The following GPR89B variants were observed in gnomAD, a reference collection of about 807,000 sequenced individuals.
GPR89B encodes G protein-coupled receptor 89B.
GPR89B carries 25 observed loss-of-function variants against 52.4 expected under a neutral mutation model. That is an observed-to-expected ratio of 0.48 (90% CI 0.35 to 0.67). The LOEUF is 0.67. Among genes scored for constraint, GPR89B ranks in the 30% least tolerant of loss-of-function variants. The pLI is 0.01. For missense variants in GPR89B, 146 were observed against 450.2 expected, an observed-to-expected ratio of 0.32 and a Z score of 6.11; for synonymous variants, 52 against 151.2, an observed-to-expected ratio of 0.34 and a Z score of 4.81.
At chr1:147,998,547 G>A (rs1314866265), downstream of GPR89B, among the ~76,000 whole-genome samples, 9 of 152,154 alleles carry the variant, frequency 5.9e-5, no homozygotes, top group East Asian at 5.8e-4. Context: ...TCTGACAGTC[G>A]CAGCTCATCT....
At chr1:148,002,499 A>G in the GPR89B span, among the ~76,000 whole-genome samples, 6 of 152,300 alleles carry the variant, frequency 3.9e-5, no homozygotes, top group East Asian at 7.7e-4. Flanking sequence ...CAGAATGAGC[A>G]TGGGCTTTGG....
At chr1:147,944,936 C>G (rs1654840482) in intron 5 of GPR89B, among the ~76,000 whole-genome samples, 3 of 151,950 alleles carry the variant, frequency 2.0e-5, no homozygotes, top group African/African-American at 7.3e-5. Context: ...TCCTGCCGTA[C>G]CTATTATTAG....
the GPR89B span, among the ~76,000 whole-genome samples, chr1:148,001,713 C>T: frequency 6.6e-6 from 1 of 150,992 alleles, no homozygotes. Context: ...GAACTCACCC[C>T]AGAAACTAAC....
intron 10 of GPR89B, among the ~76,000 whole-genome samples, chr1:147,970,534 T>TCTCTC: frequency 8.7e-6 from 1 of 114,814 alleles, no homozygotes; most frequent in South Asian, 2.7e-4. Flanking sequence ...TCTCTCTCTC[T>TCTCTC]ATCTCTATCT....
At chr1:147,969,066 C>T in intron 9 of GPR89B, 103 bp downstream of exon 9, 1 of 802,774 alleles carries the variant, frequency 1.2e-6, no homozygotes, top group Admixed American at 2.8e-5. Flanking sequence ...CAAGAGATAC[C>T]TCACAGCTTC....
chr1:148,012,517 C>G, the GPR89B span, among the ~76,000 whole-genome samples: 1 of 147,644 alleles, frequency 6.8e-6, no homozygotes, highest in African/African-American at 2.6e-5. Context: ...ACCCCCGCAG[C>G]CCCCTCCTCT....
intron 5 of GPR89B, among the ~76,000 whole-genome samples, chr1:147,949,703 A>G (rs1196410729): frequency 1.2e-3 from 109 of 88,042 alleles, no homozygotes; most frequent in Middle Eastern, 0.023. Context: ...CGGACGGGGC[A>G]GCTGGCCGGG....
At chr1:147,981,408 G>C (rs1162186663) in intron 10 of GPR89B, among the ~76,000 whole-genome samples, 1 of 148,358 alleles carries the variant, frequency 6.7e-6, no homozygotes, top group Non-Finnish European at 1.5e-5. Flanking sequence ...AGGCTGAGGC[G>C]GGGGAGGATC....
the GPR89B span, chr1:148,014,282 AAGAC>A: frequency 4.6e-5 from 7 of 151,948 alleles, no homozygotes; most frequent in South Asian, 1.2e-3. Flanking sequence ...CAGCGTGTAA[AAGAC>A]AGAGAGCTCA....
At chr1:148,017,570 T>G in the GPR89B span, among the ~76,000 whole-genome samples, 33 of 150,014 alleles carry the variant, frequency 2.2e-4, no homozygotes, top group South Asian at 1.5e-3. Flanking sequence ...CCGTCTCTAC[T>G]AAAAATACAA....
At chr1:147,975,426 C>A (rs1432458794) in intron 10 of GPR89B, among the ~76,000 whole-genome samples, 1 of 148,258 alleles carries the variant, frequency 6.7e-6, no homozygotes, top group African/African-American at 2.5e-5. Flanking sequence ...TTATCCATTT[C>A]TTCTAGATTT....
intron 7 of GPR89B, among the ~76,000 whole-genome samples, chr1:147,959,559 A>G (rs1656383336): frequency 6.6e-6 from 1 of 152,030 alleles, no homozygotes; most frequent in Non-Finnish European, 1.5e-5. Context: ...CCCTCCCAGC[A>G]CCCACTCAAG....
intron 1 of GPR89B, among the ~76,000 whole-genome samples, chr1:147,932,862 TA>T (rs1653763476): frequency 6.6e-6 from 1 of 152,046 alleles, no homozygotes; most frequent in South Asian, 2.1e-4. Flanking sequence ...GAAAAAATAA[TA>T]TTTAAAAAAA....
chr1:147,938,822 G>A lies in GPR89B; in HGVS notation c.206+5G>A, dbSNP rs1553248435. On this transcript the variant is annotated splice_donor_5th_base_variant and intron_variant, in intron 3 of 13. Transcript: ENST00000314163. Reference sequence around the variant, plus strand: ...CTTAGGAGTATTGAATAGCAGGTGAGTAAGAGTACTGAAAACTCCTCTTGA... The same window carrying A: ...CTTAGGAGTATTGAATAGCAGGTGAATAAGAGTACTGAAAACTCCTCTTGA... 6 of 1,520,260 alleles carry A rather than the reference G, an allele frequency of 3.9e-6. No homozygotes were observed. Among genetic ancestry groups the A allele is most frequent in the Admixed American group, 1.9e-5 (1 of 52,532 alleles). 94.2% of individuals were successfully genotyped at this position (1,520,260 alleles called of 1,614,324 possible). A position where few individuals can be genotyped will look rare whatever the true frequency, so the allele number is the denominator to read the frequency against.
At chr1:147,969,147 A>G (rs1436592360) in intron 9 of GPR89B, 184 bp downstream of exon 9, 7 of 525,576 alleles carry the variant, frequency 1.3e-5, no homozygotes, top group Non-Finnish European at 2.3e-5. Flanking sequence ...CACTAGCAAA[A>G]TCCTTAATGG....
rs1657291114 is a variant in GPR89B, at chr1:147,969,893, C to T, written c.843C>T (p.Phe281=). ...TKERIEYSKT[F]KGKYFNFLGY... ...AGAGAATAGAATACTCCAAAACCTT[C>T]AAGGGGAAATATTTTAATTTTCTTG... The change falls in exon 10 of 14, where the codon TTC becomes TTT. Residue 281 remains phenylalanine, a synonymous_variant. Coordinates refer to ENST00000314163, the MANE Select transcript of GPR89B (RefSeq NM_016334.5). 6.7e-7 allele frequency: 1 copy of T among 1,494,872 alleles called. No homozygotes were observed. The highest frequency in any genetic ancestry group is 2.4e-5 in the Admixed American group (1 of 41,724). 92.6% of individuals were successfully genotyped at this position (1,494,872 alleles called of 1,614,324 possible).
chr1:147,957,894 C>T (rs1656238305), intron 7 of GPR89B, among the ~76,000 whole-genome samples: 1 of 151,824 alleles, frequency 6.6e-6, no homozygotes, highest in African/African-American at 2.4e-5. Context: ...GAAACCCCAT[C>T]TCTACTAAAG....
At chr1:147,974,952 TGTTTATGTGATG>T in intron 10 of GPR89B, among the ~76,000 whole-genome samples, 1 of 151,870 alleles carries the variant, frequency 6.6e-6, no homozygotes, top group South Asian at 2.1e-4. Context: ...TCATTGGTTC[TGTTTATGTGATG>T]GATTACGTTT....
At chr1:147,973,272 CACCA>C (rs1657605427) in intron 10 of GPR89B, among the ~76,000 whole-genome samples, 1 of 151,880 alleles carries the variant, frequency 6.6e-6, no homozygotes, top group African/African-American at 2.4e-5. Flanking sequence ...TGTACATTCC[CACCA>C]ACAGTGTAAA....
Sources: gnomAD v4.1 joint callset for allele counts (sites outside exome capture counted in the v4.1 genomes callset) on GRCh38, gnomAD v4.1.1 for gene constraint, MANE v1.5 for transcripts, NCBI Gene and HGNC (gene_info 2026-07-23, HGNC 2026-07-21) for gene names.